TRABD2A: variants seen among roughly 807,000 people sequenced by gnomAD.
The protein encoded by TRABD2A is TraB domain containing 2A.
A neutral mutation model predicts 45.6 loss-of-function variants in TRABD2A; 43 were observed. The ratio of observed to expected loss-of-function variants is 0.94; its 90% CI spans 0.74 to 1.22. The LOEUF (loss-of-function observed/expected upper bound fraction) is 1.22, where lower values mean the gene tolerates loss of function less well. TRABD2A is among the 50% of genes most tolerant of loss of function. The pLI, the probability that TRABD2A is intolerant of heterozygous loss-of-function variation, is 0.00. For synonymous variants in TRABD2A, 269 were observed against 265.0 expected (o/e 1.02, Z -0.15); for missense variants, 642 against 652.4 (o/e 0.98, Z 0.17).
chr2:84,867,417 C>T (rs1451425769), intron 2 of TRABD2A, among the ~76,000 whole-genome samples: 1 of 152,132 alleles, frequency 6.6e-6, no homozygotes, highest in Non-Finnish European at 1.5e-5. Context: ...TTACTTACAC[C>T]TTATACAAAA....
chr2:84,853,396 C>G (rs1682165324), intron 2 of TRABD2A, among the ~76,000 whole-genome samples: 1 of 152,092 alleles, frequency 6.6e-6, no homozygotes, highest in Non-Finnish European at 1.5e-5. Context: ...CACATGGCAG[C>G]AGGAAGGAGA....
intron 2 of TRABD2A, among the ~76,000 whole-genome samples, chr2:84,855,300 A>C (rs1682236876): frequency 6.6e-6 from 1 of 152,214 alleles, no homozygotes; most frequent in Non-Finnish European, 1.5e-5. Context: ...ATTACAACTA[A>C]GATAAAACAC....
intron 2 of TRABD2A, among the ~76,000 whole-genome samples, chr2:84,844,267 T>C (rs1330783625): frequency 6.6e-6 from 1 of 152,174 alleles, no homozygotes; most frequent in Non-Finnish European, 1.5e-5. Flanking sequence ...AATTGAATCA[T>C]GGAGGTAGGT....
intron 1 of TRABD2A, among the ~76,000 whole-genome samples, chr2:84,877,295 C>CAA (rs879477863): frequency 1.5e-5 from 2 of 133,930 alleles, no homozygotes; most frequent in African/African-American, 2.8e-5. Flanking sequence ...TTTATCTCTA[C>CAA]AAAAAAAAAA....
intron 2 of TRABD2A, among the ~76,000 whole-genome samples, chr2:84,848,383 C>T (rs374228910): frequency 0.025 from 3,199 of 128,334 alleles, 81 homozygotes; most frequent in African/African-American, 0.072. Flanking sequence ...GATAGACAGA[C>T]AGACAGACAG....
At chr2:84,868,814 A>T (rs187779425) in intron 2 of TRABD2A, among the ~76,000 whole-genome samples, 10 of 152,368 alleles carry the variant, frequency 6.6e-5, no homozygotes, top group Admixed American at 4.6e-4. Context: ...AATGCTCACC[A>T]ATTTCAAATT....
intron 2 of TRABD2A, among the ~76,000 whole-genome samples, chr2:84,862,642 T>C (rs940762229): frequency 1.4e-4 from 22 of 152,084 alleles, no homozygotes; most frequent in Non-Finnish European, 2.4e-4. Context: ...CTTTGGACTT[T>C]AGAGGGGCAG....
intron 2 of TRABD2A, among the ~76,000 whole-genome samples, chr2:84,855,995 C>T (rs1003793089): frequency 6.6e-6 from 1 of 152,176 alleles, no homozygotes; most frequent in Admixed American, 6.5e-5. Flanking sequence ...CACAGTGGCC[C>T]GCACCACCCC....
chr2:84,850,516 G>A (rs774676442), intron 2 of TRABD2A, among the ~76,000 whole-genome samples: 40 of 152,038 alleles, frequency 2.6e-4, no homozygotes, highest in Non-Finnish European at 4.6e-4. Flanking sequence ...GGGCAGTAGC[G>A]GGTAATGCAA....
intron 2 of TRABD2A, among the ~76,000 whole-genome samples, chr2:84,869,052 A>G (rs1682785515): frequency 6.6e-6 from 1 of 152,246 alleles, no homozygotes; most frequent in Admixed American, 6.5e-5. Flanking sequence ...GCATCGGATT[A>G]CTTATTAATA....
intron 2 of TRABD2A, among the ~76,000 whole-genome samples, chr2:84,856,253 G>A (rs564205856): frequency 4.6e-5 from 7 of 152,070 alleles, no homozygotes; most frequent in South Asian, 4.2e-4. Context: ...CTAGGTCTCC[G>A]TGCAGTGGGG....
At chr2:84,823,403 G>A (rs1054816208) in intron 6 of TRABD2A, among the ~76,000 whole-genome samples, 6 of 152,176 alleles carry the variant, frequency 3.9e-5, no homozygotes, top group Non-Finnish European at 8.8e-5. Flanking sequence ...CAATAAGGCT[G>A]AGATTAATTT....
At chr2:84,835,650 C>T (rs1041493328) in intron 4 of TRABD2A, 1 of 152,402 alleles carries the variant, frequency 6.6e-6, no homozygotes, top group African/African-American at 2.4e-5. Flanking sequence ...CTCCTGAGCT[C>T]AAGTGATCCT....
chr2:84,835,108 GCAC>G, intron 4 of TRABD2A: 1 of 152,102 alleles, frequency 6.6e-6, no homozygotes, highest in South Asian at 2.1e-4. Flanking sequence ...CTTCACTTTA[GCAC>G]CACAACAATA....
chr2:84,879,562 T>C, intron 1 of TRABD2A: 1 of 983,216 alleles, frequency 1.0e-6, no homozygotes, highest in Non-Finnish European at 1.2e-6. Flanking sequence ...AAAGACAGAT[T>C]CTAAAGGAGA....
At chr2:84,863,054 G>A (rs995849673) in intron 2 of TRABD2A, among the ~76,000 whole-genome samples, 1 of 152,196 alleles carries the variant, frequency 6.6e-6, no homozygotes, top group Admixed American at 6.5e-5. Flanking sequence ...TGTGAAAGCC[G>A]GGACATGGTT....
intron 1 of TRABD2A, chr2:84,875,164 G>T: frequency 6.1e-6 from 1 of 163,514 alleles, no homozygotes; most frequent in Non-Finnish European, 1.3e-5. Flanking sequence ...AGCCAGAAAA[G>T]GGACAGTGAG....
rs1190704817 is a variant in TRABD2A at position 84,821,998 on chromosome 2, G to A, written c.1437C>T (p.Ala479=). The change falls in exon 7 of 7, where the codon GCC becomes GCT. Residue 479 remains alanine (A), a synonymous_variant. Transcript: ENST00000409520. ...RGHSHHSQMV[A]SSACLSLWTP... ...TCCAGAGAGACAGGCAGGCACTGCT[G>A]GCCACCATCTGGCTGTGGTGGGAAT... 4 of 1,599,956 alleles carry A rather than the reference G, an allele frequency of 2.5e-6. No homozygotes were observed. The highest frequency in any genetic ancestry group is 2.3e-5 in the South Asian group (2 of 88,036).
intron 1 of TRABD2A, 142 bp from the exon 2 acceptor site, chr2:84,870,927 C>T: frequency 2.4e-6 from 2 of 836,678 alleles, no homozygotes; most frequent in Non-Finnish European, 3.6e-6. Flanking sequence ...GTAGATTCAC[C>T]TGCCAGGACA....
Sources: allele counts gnomAD v4.1 joint callset (sites outside exome capture counted in the v4.1 genomes callset), GRCh38; gene constraint gnomAD v4.1.1; transcripts MANE v1.5; gene names NCBI Gene and HGNC (gene_info 2026-07-23, HGNC 2026-07-21).